DNAL4: variants seen among roughly 807,000 people sequenced by gnomAD.
The protein encoded by DNAL4 is dynein axonemal light chain 4.
A neutral mutation model predicts 12.6 loss-of-function variants in DNAL4; 10 were observed. That is an observed-to-expected ratio of 0.79 (90% CI 0.49 to 1.34). The LOEUF (loss-of-function observed/expected upper bound fraction) is 1.34. Ranked by LOEUF, DNAL4 falls within the 40% of genes most tolerant of loss-of-function variation. DNAL4 has a pLI of 0.00. For synonymous variants in DNAL4, 46 were observed against 53.1 expected (o/e 0.87, Z 0.58); for missense variants, 128 against 138.1 (o/e 0.93, Z 0.37).
At chr22:38,788,242 C>T (rs1212048032) in intron 1 of DNAL4, among the ~76,000 whole-genome samples, 1 of 152,190 alleles carries the variant, frequency 6.6e-6, no homozygotes, top group East Asian at 1.9e-4. Context: ...GCCAGGCTCC[C>T]AGACCAGTTT....
chr22:38,786,444 A>C (rs2093042324), intron 1 of DNAL4, among the ~76,000 whole-genome samples: 1 of 152,228 alleles, frequency 6.6e-6, no homozygotes, highest in African/African-American at 2.4e-5. Flanking sequence ...CTGTAATCCC[A>C]GCTACTGGGG....
Position 38,779,238 on chromosome 22 carries a change from A to C in DNAL4, c.*211T>G. 1 of 609,438 alleles carries C rather than the reference A, an allele frequency of 1.6e-6. No individual in the cohort carries two copies. The highest frequency in any genetic ancestry group is 2.7e-6 in the Non-Finnish European group (1 of 376,770). The allele number at this position is 609,438 out of a possible 1,614,324, so 37.8% of individuals were successfully genotyped here. On this transcript the variant is annotated 3_prime_UTR_variant, in exon 4 of 4. Transcript: ENST00000216068. This position sits in a 1 kb window ranked among gnomAD's most constrained non-coding sequence, Gnocchi z 4.3. Reference sequence around the variant, plus strand: ...CAGACCCATGCCCGCTGCCCCGTCCACACCCTGAGACTCCGAGGGAGACGG... The same window carrying C: ...CAGACCCATGCCCGCTGCCCCGTCCCCACCCTGAGACTCCGAGGGAGACGG...
chr22:38,782,586 A>G lies in DNAL4; in HGVS notation c.69+77T>C. The stretch of plus-strand genomic sequence containing the variant: ...AACTTCCTCCCACTGCCATCCTGCA[A>G]GGGACAAGCTCCACCCACCTCTCTC... On this transcript the variant is annotated intron_variant, in intron 2 of 3. Transcript: ENST00000216068. This position sits in a 1 kb window ranked among gnomAD's most constrained non-coding sequence, Gnocchi z 5.1. 1 of 1,491,634 alleles carries G rather than the reference A, an allele frequency of 6.7e-7. No individual in the cohort carries two copies. Among genetic ancestry groups the G allele is most frequent in the South Asian group, 1.2e-5 (1 of 84,842 alleles). 92.4% of individuals were successfully genotyped at this position (1,491,634 alleles called of 1,614,324 possible). A position where few individuals can be genotyped will look rare whatever the true frequency, so the allele number is the denominator to read the frequency against.
intron 1 of DNAL4, among the ~76,000 whole-genome samples, chr22:38,787,354 G>C (rs2093044053): frequency 6.6e-6 from 1 of 151,260 alleles, no homozygotes; most frequent in Non-Finnish European, 1.5e-5. Context: ...CAATTCTTCT[G>C]ACTCAGCCTC....
At chr22:38,780,775 A>G (rs372536143) in intron 3 of DNAL4, 151 bp downstream of exon 3, 3 of 750,478 alleles carry the variant, frequency 4.0e-6, no homozygotes, top group Non-Finnish European at 2.2e-6. Flanking sequence ...CCTCTCACTC[A>G]CTGACTTTCC....
intron 1 of DNAL4, among the ~76,000 whole-genome samples, chr22:38,786,604 C>T (rs545523275): frequency 2.3e-4 from 35 of 152,210 alleles, no homozygotes; most frequent in African/African-American, 7.9e-4. Flanking sequence ...CTGTGCCCAC[C>T]GCCAGGGTAC....
chr22:38,788,038 C>T (rs2093045049), intron 1 of DNAL4, among the ~76,000 whole-genome samples: 1 of 152,236 alleles, frequency 6.6e-6, no homozygotes, highest in Non-Finnish European at 1.5e-5. Flanking sequence ...CGATACTCAG[C>T]ATCCACCCAT....
intron 1 of DNAL4, among the ~76,000 whole-genome samples, chr22:38,786,233 A>G (rs1425409947): frequency 6.6e-6 from 1 of 152,218 alleles, no homozygotes; most frequent in Non-Finnish European, 1.5e-5. Flanking sequence ...GGAGCCAGAA[A>G]GAGTCATGTC....
rs147162923 is a variant in DNAL4 at position 38,782,369 on chromosome 22, C to A, written c.69+294G>T. Among the ~76,000 whole-genome samples the A allele has an allele frequency of 1.3e-5, 2 of 152,384 alleles. No individual in the cohort carries two copies. Among genetic ancestry groups the A allele is most frequent in the East Asian group, 1.9e-4 (1 of 5,194 alleles). ...TTTTCATTATAGTACTTACTGCCTA[C>A]GATCATGTTCTTAAAACATGTATTT... On this transcript the variant is annotated intron_variant, in intron 2 of 3. Transcript: ENST00000216068. The surrounding 1 kb of genome is among the most constrained non-coding windows in gnomAD (Gnocchi z 5.1).
rs1569316433 is a variant in DNAL4 at position 38,779,432 on chromosome 22, G to A, written c.*17C>T. 6.4e-7 allele frequency: 1 copy of A among 1,559,570 alleles called. No individual in the cohort carries two copies. Among genetic ancestry groups the A allele is most frequent in the Non-Finnish European group, 8.7e-7 (1 of 1,151,758 alleles). On this transcript the variant is annotated 3_prime_UTR_variant, in exon 4 of 4. Coordinates refer to ENST00000216068, the MANE Select transcript of DNAL4 (RefSeq NM_005740.3). This position sits in a 1 kb window ranked among gnomAD's most constrained non-coding sequence, Gnocchi z 4.3. ...GCAGGAAAAGGCCCTGCAGGGGACG[G>A]GGCAGGGGACAGAGTGTCAGGAGCA...
In DNAL4 at chr22:38,791,164, C is replaced by T. The variant is rs556407403; in HGVS notation, c.-140+2904G>A. 1.8e-4 allele frequency among the ~76,000 whole-genome samples: 27 copies of T among 148,582 alleles called. No individual in the cohort carries two copies. The East Asian group carries it at 5.0e-3, about 27-fold the overall frequency. Reference sequence around the variant, plus strand: ...CCTGGGCAGCAGAGCGAGTCTCCACCTCTAGAAAAAAAAAAAAAAGGACAG... The same window carrying T: ...CCTGGGCAGCAGAGCGAGTCTCCACTTCTAGAAAAAAAAAAAAAAGGACAG... On this transcript the variant is annotated intron_variant, in intron 1 of 3. Coordinates refer to ENST00000216068, the MANE Select transcript of DNAL4 (RefSeq NM_005740.3).
intron 1 of DNAL4, among the ~76,000 whole-genome samples, chr22:38,789,348 C>T (rs1473673724): frequency 6.6e-6 from 1 of 152,248 alleles, no homozygotes; most frequent in African/African-American, 2.4e-5. Context: ...TTACCGCAGC[C>T]TCAACTTCCC....
intron 2 of DNAL4, 126 bp from the exon 3 acceptor site, chr22:38,781,135 C>T: frequency 1.0e-6 from 1 of 982,408 alleles, no homozygotes; most frequent in Non-Finnish European, 1.5e-6. Flanking sequence ...CAGCCCTGGG[C>T]AGGTGACCCA....
chr22:38,788,560 A>G (rs2093045792), intron 1 of DNAL4, among the ~76,000 whole-genome samples: 1 of 152,202 alleles, frequency 6.6e-6, no homozygotes, highest in Non-Finnish European at 1.5e-5. Flanking sequence ...ACACCATGTG[A>G]TAAGTGACAT....
rs544423991 is a variant in DNAL4 at position 38,780,089 on chromosome 22, G to A, written c.154-476C>T. 9.2e-5 allele frequency among the ~76,000 whole-genome samples: 14 copies of A among 152,320 alleles called. No homozygotes were observed. In the South Asian group the frequency reaches 2.5e-3, roughly 27 times the overall value. On this transcript the variant is annotated intron_variant, in intron 3 of 3. Coordinates refer to ENST00000216068, the MANE Select transcript of DNAL4 (RefSeq NM_005740.3). ...TACTCCCCTAGTCATGGCCACAGTC[G>A]ACTTCTTCCTGTGCCTGCTCTTTCA...
At chr22:38,790,709 A>C (rs2093049276) in intron 1 of DNAL4, among the ~76,000 whole-genome samples, 1 of 152,304 alleles carries the variant, frequency 6.6e-6, no homozygotes, top group African/African-American at 2.4e-5. Context: ...TGTTGTGTGA[A>C]TGTCATAGAG....
chr22:38,783,261 ACGGGCC>A (rs1569317500), intron 1 of DNAL4, among the ~76,000 whole-genome samples: 16 of 139,524 alleles, frequency 1.1e-4, no homozygotes, highest in African/African-American at 4.4e-4. Flanking sequence ...CACTACACAC[ACGGGCC>A]TTCCCTCCCA....
At position 38,781,893 on chromosome 22, in the gene DNAL4, A is replaced by G. The variant is rs549371089; in HGVS notation, c.69+770T>C. Among the ~76,000 whole-genome samples, 6 of 152,252 alleles carry G rather than the reference A, an allele frequency of 3.9e-5. No homozygotes were observed. In the East Asian group the frequency reaches 1.2e-3, roughly 29 times the overall value. ...CACCCTCATCGCTCTGGGCCTCCACAGCGGCCTCCTCGCTGGTCTCCCCAC... is the reference window on the plus strand; with the variant it reads ...CACCCTCATCGCTCTGGGCCTCCACGGCGGCCTCCTCGCTGGTCTCCCCAC... On this transcript the variant is annotated intron_variant, in intron 2 of 3. Coordinates refer to ENST00000216068, the MANE Select transcript of DNAL4 (RefSeq NM_005740.3).
chr22:38,790,747 G>C (rs927487749), intron 1 of DNAL4, among the ~76,000 whole-genome samples: 7 of 152,160 alleles, frequency 4.6e-5, no homozygotes, highest in Non-Finnish European at 1.0e-4. Flanking sequence ...AGATGATGTA[G>C]CCTACTACAG....
Sources: gnomAD v4.1 joint callset for allele counts (sites outside exome capture counted in the v4.1 genomes callset) on GRCh38, gnomAD v4.1.1 for gene constraint, Gnocchi (gnomAD v3.1) non-coding constraint, MANE v1.5 for transcripts, NCBI Gene and HGNC (gene_info 2026-07-23, HGNC 2026-07-21) for gene names.